DLGAP2: variants seen among roughly 807,000 people sequenced by gnomAD.
DLGAP2 encodes disks large-associated protein 2.
Under a neutral mutation model 100.3 loss-of-function variants are expected in DLGAP2, and 26 were observed. The observed-to-expected ratio is 0.26, with a 90% CI of 0.19 to 0.36. The LOEUF is 0.36. Ranked by LOEUF, DLGAP2 falls within the 10% of genes least tolerant of loss-of-function variation. The probability of loss-of-function intolerance (pLI) is 1.00; values close to 1 mark genes in which losing one functional copy is unlikely to be tolerated. For missense variants in DLGAP2, 1,858 were observed against 1,453.2 expected (o/e 1.28, Z -4.53); for synonymous variants, 886 against 630.1 (o/e 1.41, Z -6.08).
chr8:1,265,571 A>C (rs537047376), intron 3 of DLGAP2, among the ~76,000 whole-genome samples: 1 of 152,352 alleles, frequency 6.6e-6, no homozygotes, highest in African/African-American at 2.4e-5. Context: ...ATTTTCCTAG[A>C]AGTGAAGAAA....
intron 2 of DLGAP2, among the ~76,000 whole-genome samples, chr8:980,160 A>G (rs1271125372): frequency 6.6e-6 from 1 of 152,200 alleles, no homozygotes; most frequent in Non-Finnish European, 1.5e-5. Context: ...CTCAGGAGAC[A>G]AATCTATAAC....
chr8:807,887 C>T (rs1796298559), intron 1 of DLGAP2, among the ~76,000 whole-genome samples: 1 of 152,118 alleles, frequency 6.6e-6, no homozygotes, highest in Non-Finnish European at 1.5e-5. Context: ...ATCACAGCAG[C>T]CGGAGGAACA....
chr8:759,791 A>G (rs1821033027), intron 1 of DLGAP2, among the ~76,000 whole-genome samples: 1 of 152,202 alleles, frequency 6.6e-6, no homozygotes, highest in Non-Finnish European at 1.5e-5. Flanking sequence ...CTCTCTCGAT[A>G]GAATTGAAAC....
intron 5 of DLGAP2, among the ~76,000 whole-genome samples, chr8:1,550,832 G>C (rs894547509): frequency 6.6e-6 from 1 of 152,200 alleles, no homozygotes; most frequent in Non-Finnish European, 1.5e-5. Context: ...ACTTCCATCA[G>C]TCGATAGCGC....
intron 2 of DLGAP2, among the ~76,000 whole-genome samples, chr8:1,169,474 A>G (rs7816321): frequency 0.74 from 113,039 of 151,932 alleles, 43,316 homozygotes; most frequent in Non-Finnish European, 0.84. Context: ...ACCCTGGGCA[A>G]TATGGCCATT....
chr8:1,454,477 A>G (rs1798249813), intron 3 of DLGAP2, among the ~76,000 whole-genome samples: 1 of 152,058 alleles, frequency 6.6e-6, no homozygotes, highest in Non-Finnish European at 1.5e-5. Context: ...CAGCAACTGT[A>G]GTGGTGACTC....
chr8:1,099,166 A>G (rs1029312032), intron 2 of DLGAP2, among the ~76,000 whole-genome samples: 1 of 152,136 alleles, frequency 6.6e-6, no homozygotes, highest in East Asian at 1.9e-4. Flanking sequence ...CAAAGTGCCC[A>G]CGTGCCTGGT....
At chr8:1,183,287 G>C (rs577505152) in intron 2 of DLGAP2, among the ~76,000 whole-genome samples, 1 of 152,156 alleles carries the variant, frequency 6.6e-6, no homozygotes, top group Admixed American at 6.5e-5. Flanking sequence ...AATAATATCA[G>C]TTCACACAAT....
chr8:1,539,705 C>A (rs149784685), intron 4 of DLGAP2, among the ~76,000 whole-genome samples: 1 of 152,108 alleles, frequency 6.6e-6, no homozygotes, highest in African/African-American at 2.4e-5. Flanking sequence ...TGGAGGATGC[C>A]GACAGCGAGA....
chr8:1,355,820 A>C (rs1316901113), intron 3 of DLGAP2, among the ~76,000 whole-genome samples: 3 of 152,106 alleles, frequency 2.0e-5, no homozygotes, highest in Non-Finnish European at 2.9e-5. Context: ...GGTCCTGGCC[A>C]TGCCCACCAG....
chr8:1,338,246 G>T (rs1390571915), intron 3 of DLGAP2, among the ~76,000 whole-genome samples: 14 of 152,216 alleles, frequency 9.2e-5, no homozygotes, highest in Non-Finnish European at 2.1e-4. Flanking sequence ...GTCCACAGCA[G>T]CATTGCTTAG....
chr8:1,521,290 C>G (rs866584752), intron 4 of DLGAP2, among the ~76,000 whole-genome samples: 1 of 60,468 alleles, frequency 1.7e-5, no homozygotes, highest in African/African-American at 5.5e-5. Context: ...TGGGGCATCT[C>G]TGGTTTGCAC....
At chr8:1,206,987 C>A (rs1191000039) in intron 2 of DLGAP2, among the ~76,000 whole-genome samples, 1 of 152,182 alleles carries the variant, frequency 6.6e-6, no homozygotes, top group Non-Finnish European at 1.5e-5. Flanking sequence ...GCCCACCCTC[C>A]CAGAGAGGCT....
At chr8:834,155 AGTCATTTTGT>A (rs1424899135) in intron 1 of DLGAP2, among the ~76,000 whole-genome samples, 2 of 152,196 alleles carry the variant, frequency 1.3e-5, no homozygotes, top group African/African-American at 4.8e-5. Context: ...GATCCTATTC[AGTCATTTTGT>A]GTCTCCACTC....
At chr8:889,683 G>A (rs1226385540) in intron 1 of DLGAP2, among the ~76,000 whole-genome samples, 7 of 152,210 alleles carry the variant, frequency 4.6e-5, no homozygotes, top group South Asian at 4.1e-4. Context: ...AATGGGTGCC[G>A]GGGAGTTTAG....
chr8:904,324 A>G (rs756308617), intron 1 of DLGAP2, among the ~76,000 whole-genome samples: 14 of 152,296 alleles, frequency 9.2e-5, no homozygotes, highest in African/African-American at 1.4e-4. Flanking sequence ...ATTTGAGACC[A>G]GCTTGGCCAA....
At chr8:1,669,816 C>T (rs1798645031) in intron 10 of DLGAP2, 32 bp downstream of exon 10, 1 of 780,788 alleles carries the variant, frequency 1.3e-6, no homozygotes, top group Non-Finnish European at 2.4e-6. Context: ...AAAGCCGCGT[C>T]CGCATGACTT....
intron 2 of DLGAP2, among the ~76,000 whole-genome samples, chr8:1,223,790 T>C (rs1299422870): frequency 6.6e-6 from 1 of 152,176 alleles, no homozygotes; most frequent in African/African-American, 2.4e-5. Context: ...ATCTCAAGGA[T>C]AAAAACAATT....
chr8:1,087,099 A>G (rs910120313), intron 2 of DLGAP2, among the ~76,000 whole-genome samples: 5 of 152,216 alleles, frequency 3.3e-5, no homozygotes, highest in Non-Finnish European at 7.3e-5. Context: ...TAACATGAGG[A>G]AGTTCAGAAA....
Sources: allele counts gnomAD v4.1 joint callset (sites outside exome capture counted in the v4.1 genomes callset), GRCh38; gene constraint gnomAD v4.1.1; transcripts MANE v1.5; gene names NCBI Gene and HGNC (gene_info 2026-07-23, HGNC 2026-07-21).